PRDX6: variants seen among roughly 807,000 people sequenced by gnomAD.
PRDX6 encodes peroxiredoxin-6.
In PRDX6, 13 loss-of-function variants were observed where a neutral mutation model predicts 20.0. That is an observed-to-expected ratio of 0.65 (90% CI 0.42 to 1.03). The LOEUF (loss-of-function observed/expected upper bound fraction) is 1.03, where lower values mean the gene tolerates loss of function less well. Ranked by LOEUF, PRDX6 falls within the 50% of genes least tolerant of loss-of-function variation. PRDX6 has a pLI of 0.00. For missense variants in PRDX6, 203 were observed against 276.9 expected (o/e 0.73, Z 1.89); for synonymous variants, 85 against 100.8 (o/e 0.84, Z 0.94).
chr1:173,483,955 A>G (rs1179467829), intron 2 of PRDX6, among the ~76,000 whole-genome samples: 3 of 151,270 alleles, frequency 2.0e-5, no homozygotes, highest in Non-Finnish European at 4.4e-5. Context: ...ACAAAAAAAA[A>G]TTAGCCGGTG....
chr1:173,484,645 A>G (rs1658865460), intron 2 of PRDX6, among the ~76,000 whole-genome samples: 1 of 152,186 alleles, frequency 6.6e-6, no homozygotes, highest in South Asian at 2.1e-4. Context: ...AAAAGTAGAA[A>G]TAAATGGATG....
At chr1:173,479,415 G>A (rs564437701) in intron 1 of PRDX6, among the ~76,000 whole-genome samples, 12 of 152,298 alleles carry the variant, frequency 7.9e-5, no homozygotes, top group African/African-American at 2.2e-4. Context: ...TCCCAAATCA[G>A]ACTGTCAATT....
At chr1:173,482,913 T>C (rs1459259405) in intron 2 of PRDX6, among the ~76,000 whole-genome samples, 1 of 152,132 alleles carries the variant, frequency 6.6e-6, no homozygotes, top group Non-Finnish European at 1.5e-5. Context: ...ACTCAGAGAG[T>C]TGGAGGGACT....
At position 173,481,307 on chromosome 1, in the gene PRDX6, T is replaced by A. The variant is rs1203684502; in HGVS notation, c.96-19T>A. On this transcript the variant is annotated intron_variant, in intron 1 of 4. Coordinates refer to ENST00000340385, the MANE Select transcript of PRDX6 (RefSeq NM_004905.3). ...GATAACTCTTAATTCAATTGTGACC[T>A]TGTTTTTCTTCCTTTCAGATGGGGC... 3.7e-6 allele frequency: 6 copies of A among 1,607,086 alleles called. No homozygotes were observed. Among genetic ancestry groups the A allele is most frequent in the Non-Finnish European group, 4.3e-6 (5 of 1,174,508 alleles).
rs573267004 is a variant in PRDX6, at chr1:173,479,463, G to A, written c.96-1863G>A. ...ATTTTTGAGAAGAAAAAATTAAAAT[G>A]TATTTCTCTACCTTACCCCTGATCA... On this transcript the variant is annotated intron_variant, in intron 1 of 4. Transcript: ENST00000340385. Among the ~76,000 whole-genome samples the A allele has an allele frequency of 9.8e-5, 15 of 152,310 alleles. No homozygotes were observed. In the South Asian group the frequency reaches 3.1e-3, roughly 32 times the overall value.
At chr1:173,482,142 C>A (rs764149282) in intron 2 of PRDX6, among the ~76,000 whole-genome samples, 1 of 152,202 alleles carries the variant, frequency 6.6e-6, no homozygotes, top group African/African-American at 2.4e-5. Flanking sequence ...TCACATCATA[C>A]ATCTGATTTA....
rs1388637017 is a variant in PRDX6, at chr1:173,488,541, A to G, written c.*678A>G. 1 of 152,226 alleles carries G rather than the reference A, an allele frequency of 6.6e-6. No individual in the cohort carries two copies. The highest frequency in any genetic ancestry group is 1.5e-5 in the Non-Finnish European group (1 of 68,038). The allele number at this position is 152,226 out of a possible 1,614,324, so 9.4% of individuals were successfully genotyped here. On this transcript the variant is annotated 3_prime_UTR_variant, in exon 5 of 5. Coordinates refer to ENST00000340385, the MANE Select transcript of PRDX6 (RefSeq NM_004905.3). Reference sequence around the variant, plus strand: ...ATAAAAAAATTTGTGATAAGTTTCTATCAAAATGGGGAGATTGCAGAAAAG... The same window carrying G: ...ATAAAAAAATTTGTGATAAGTTTCTGTCAAAATGGGGAGATTGCAGAAAAG...
intron 2 of PRDX6, chr1:173,481,857 A>G (rs1658806805): frequency 4.8e-6 from 1 of 209,108 alleles, no homozygotes; most frequent in Non-Finnish European, 9.8e-6. Flanking sequence ...TTCTGTCTGC[A>G]CTCTTTCCCT....
chr1:173,477,591 C>A (rs1246532283), intron 1 of PRDX6, 99 bp downstream of exon 1: 3 of 1,013,182 alleles, frequency 3.0e-6, no homozygotes, highest in African/African-American at 1.7e-5. Context: ...GGCCGCTCAG[C>A]CCCCTGCGCC....
At chr1:173,485,179 T>C (rs1290971355) in intron 2 of PRDX6, among the ~76,000 whole-genome samples, 182 bp from the exon 3 acceptor site, 1 of 152,246 alleles carries the variant, frequency 6.6e-6, no homozygotes, top group Non-Finnish European at 1.5e-5. Flanking sequence ...TCTGCTGTTA[T>C]TCCTGGCAAT....
Position 173,488,068 on chromosome 1 carries a change from C to A in PRDX6, c.*205C>A. On this transcript the variant is annotated 3_prime_UTR_variant, in exon 5 of 5. Transcript: ENST00000340385. ...CCTTCAGCAATCAATTCCATTCATA[C>A]ATCAGCACTCTGCTGGTTCTGTTTG... The A allele has an allele frequency of 1.7e-6, 1 of 571,860 alleles. No homozygotes were observed. The highest frequency in any genetic ancestry group is 3.0e-6 in the Non-Finnish European group (1 of 328,052). 35.4% of individuals were successfully genotyped at this position (571,860 alleles called of 1,614,324 possible). A position where few individuals can be genotyped will look rare whatever the true frequency, so the allele number is the denominator to read the frequency against.
Position 173,488,013 on chromosome 1 carries a change from A to C in PRDX6, c.*150A>C, listed in dbSNP as rs558462837. On this transcript the variant is annotated 3_prime_UTR_variant, in exon 5 of 5. Coordinates refer to ENST00000340385, the MANE Select transcript of PRDX6 (RefSeq NM_004905.3). ...GGCTTATTAAATGAAAATGGCACTA[A>C]AAGTTTCTTGAGATTCTTTATACTC... The C allele has an allele frequency of 1.1e-6, 1 of 911,702 alleles. No homozygotes were observed. Among genetic ancestry groups the C allele is most frequent in the South Asian group, 1.8e-5 (1 of 55,666 alleles). 56.5% of individuals were successfully genotyped at this position (911,702 alleles called of 1,614,324 possible). A position where few individuals can be genotyped will look rare whatever the true frequency, so the allele number is the denominator to read the frequency against.
At chr1:173,482,529 T>G (rs1205329750) in intron 2 of PRDX6, among the ~76,000 whole-genome samples, 4 of 152,216 alleles carry the variant, frequency 2.6e-5, no homozygotes, top group African/African-American at 9.6e-5. Context: ...AGCAAAAGAA[T>G]TTACTTGAAC....
chr1:173,477,700 G>A (rs1658723901), intron 1 of PRDX6, among the ~76,000 whole-genome samples: 1 of 152,246 alleles, frequency 6.6e-6, no homozygotes, highest in Non-Finnish European at 1.5e-5. Flanking sequence ...CGTTCGGCCT[G>A]CCCTGCGCGG....
chr1:173,483,605 A>G (rs1211179321), intron 2 of PRDX6, among the ~76,000 whole-genome samples: 1 of 152,164 alleles, frequency 6.6e-6, no homozygotes, highest in East Asian at 1.9e-4. Flanking sequence ...CATTAATGCC[A>G]CATTTGTCAC....
At position 173,485,502 on chromosome 1, in the gene PRDX6, C is replaced by T. The variant is rs1337951430; in HGVS notation, c.394C>T (p.Arg132Cys). Residue 132 changes from arginine (R) to cysteine (C), a missense_variant, in exon 3 of 5, where the codon CGT becomes TGT. Coordinates refer to ENST00000340385, the MANE Select transcript of PRDX6 (RefSeq NM_004905.3). ...KDEKGMPVTA[R>C]VVFVFGPDKK... ...TGAAAAGGGCATGCCTGTGACAGCT[C>T]GTGTGGTAGGTCATACAAATTCATT... 5 of 1,592,518 alleles carry T rather than the reference C, an allele frequency of 3.1e-6. No homozygotes were observed. The highest frequency in any genetic ancestry group is 1.4e-5 in the African/African-American group (1 of 74,072).
chr1:173,483,018 G>A (rs1377492577), intron 2 of PRDX6, among the ~76,000 whole-genome samples: 1 of 152,158 alleles, frequency 6.6e-6, no homozygotes, highest in East Asian at 1.9e-4. Context: ...CCTAATTTAG[G>A]ATAGAATAAA....
In PRDX6 at chr1:173,477,510, A is replaced by G; in HGVS notation, c.95+18A>G. ...GGAGACTCGTAAGTGGCCACCGCGT[A>G]GCCCTGTCCTGGCCTCGGTTGCGCC... On this transcript the variant is annotated intron_variant, in intron 1 of 4. Coordinates refer to ENST00000340385, the MANE Select transcript of PRDX6 (RefSeq NM_004905.3). 2 of 1,585,918 alleles carry G rather than the reference A, an allele frequency of 1.3e-6. No homozygotes were observed. Among genetic ancestry groups the G allele is most frequent in the Non-Finnish European group, 1.7e-6 (2 of 1,163,470 alleles).
chr1:173,486,162 C>T (rs1658892972), intron 3 of PRDX6, 93 bp from the exon 4 acceptor site: 1 of 1,152,604 alleles, frequency 8.7e-7, no homozygotes, highest in Non-Finnish European at 1.2e-6. Context: ...TGTTTTTATA[C>T]CCTTGAACAT....
Sources: allele counts gnomAD v4.1 joint callset (sites outside exome capture counted in the v4.1 genomes callset), GRCh38; gene constraint gnomAD v4.1.1; transcripts MANE v1.5; gene names NCBI Gene and HGNC (gene_info 2026-07-23, HGNC 2026-07-21).